SPOPL: variants seen among roughly 807,000 people sequenced by gnomAD.
The protein encoded by SPOPL is speckle type BTB/POZ protein like.
In SPOPL, 23 loss-of-function variants were observed where a neutral mutation model predicts 53.8. The ratio of observed to expected loss-of-function variants is 0.43; its 90% CI spans 0.31 to 0.61. SPOPL has a LOEUF of 0.61. SPOPL is among the 20% of genes least tolerant of loss of function. The pLI is 0.12. For synonymous variants in SPOPL, 164 were observed against 149.7 expected, an observed-to-expected ratio of 1.10 and a Z score of -0.70; for missense variants, 442 against 466.9, an observed-to-expected ratio of 0.95 and a Z score of 0.49.
chr2:138,521,460 C>A (rs1684555886), intron 1 of SPOPL, among the ~76,000 whole-genome samples: 1 of 143,136 alleles, frequency 7.0e-6, no homozygotes, highest in Non-Finnish European at 1.5e-5. Context: ...TGCTTTTAAT[C>A]TTTTCTTTGA....
At chr2:138,520,657 A>G (rs968885538) in intron 1 of SPOPL, among the ~76,000 whole-genome samples, 2 of 152,134 alleles carry the variant, frequency 1.3e-5, no homozygotes, top group Non-Finnish European at 2.9e-5. Context: ...GGTTCCCCCA[A>G]AATACTCAAA....
At chr2:138,525,230 A>G (rs1684644381) in intron 1 of SPOPL, among the ~76,000 whole-genome samples, 1 of 152,176 alleles carries the variant, frequency 6.6e-6, no homozygotes, top group Non-Finnish European at 1.5e-5. Flanking sequence ...GTGCAGGGAA[A>G]GTCCCGTTTT....
At chr2:138,542,541 GA>G (rs533061455) in intron 1 of SPOPL, among the ~76,000 whole-genome samples, 7 of 152,084 alleles carry the variant, frequency 4.6e-5, no homozygotes, top group Non-Finnish European at 8.8e-5. Flanking sequence ...TGTTTTATCA[GA>G]GACTAGGATT....
intron 1 of SPOPL, among the ~76,000 whole-genome samples, chr2:138,519,115 T>C (rs1413786295): frequency 6.6e-6 from 1 of 152,248 alleles, no homozygotes; most frequent in Non-Finnish European, 1.5e-5. Context: ...AAGTCTGATA[T>C]CAGAAACTAA....
chr2:138,561,132 G>A (rs1685538487), intron 8 of SPOPL, among the ~76,000 whole-genome samples: 1 of 152,052 alleles, frequency 6.6e-6, no homozygotes, highest in Admixed American at 6.6e-5. Context: ...AGAAGGAAGT[G>A]GCTTTTTTCT....
chr2:138,561,047 T>G, intron 8 of SPOPL, 120 bp downstream of exon 8: 1 of 1,216,992 alleles, frequency 8.2e-7, no homozygotes. Context: ...GAGAGCTTTA[T>G]GAAATAGCAT....
chr2:138,511,855 G>A (rs1684331450), intron 1 of SPOPL, among the ~76,000 whole-genome samples: 1 of 152,144 alleles, frequency 6.6e-6, no homozygotes, highest in Non-Finnish European at 1.5e-5. Flanking sequence ...TAGAGACTAG[G>A]AGCATACAGC....
intron 1 of SPOPL, among the ~76,000 whole-genome samples, chr2:138,524,300 A>G (rs1684622613): frequency 6.6e-6 from 1 of 152,198 alleles, no homozygotes. Flanking sequence ...TGCATAGGGC[A>G]GAGGGACCCT....
intron 1 of SPOPL, among the ~76,000 whole-genome samples, chr2:138,541,223 G>C (rs1558872343): frequency 6.6e-6 from 1 of 152,076 alleles, no homozygotes; most frequent in African/African-American, 2.4e-5. Flanking sequence ...TTGTGTCTCT[G>C]CCAGGCTTTG....
intron 10 of SPOPL, among the ~76,000 whole-genome samples, chr2:138,567,340 C>G (rs547725905): frequency 6.7e-6 from 1 of 148,314 alleles, no homozygotes; most frequent in Non-Finnish European, 1.5e-5. Context: ...AAATGAGATG[C>G]GCAAAGTTTT....
intron 1 of SPOPL, among the ~76,000 whole-genome samples, chr2:138,502,528 C>T (rs1684127389): frequency 1.3e-5 from 2 of 152,208 alleles, no homozygotes; most frequent in East Asian, 1.9e-4. Context: ...TCTGCCACCG[C>T]GCAGCGTCCA....
intron 8 of SPOPL, among the ~76,000 whole-genome samples, chr2:138,561,820 G>A (rs1685555604): frequency 6.6e-6 from 1 of 152,044 alleles, no homozygotes; most frequent in Non-Finnish European, 1.5e-5. Context: ...CATCACCCAG[G>A]TAATGATGAT....
intron 1 of SPOPL, among the ~76,000 whole-genome samples, chr2:138,542,253 G>T (rs1685088206): frequency 1.3e-5 from 2 of 152,178 alleles, no homozygotes; most frequent in African/African-American, 4.8e-5. Flanking sequence ...TATTAGGTCT[G>T]CTTGGTGCAG....
chr2:138,559,200 G>C lies in SPOPL; in HGVS notation c.658+1G>C. The C allele has an allele frequency of 6.2e-7, 1 of 1,612,828 alleles. No individual in the cohort carries two copies. The highest frequency in any genetic ancestry group is 8.5e-7 in the Non-Finnish European group (1 of 1,179,490). ...AAAGCTCATAAATCTGTGCTTGCAGGTACTTTCTAGTTATGGGGTAATATA... is the reference window on the plus strand; with the variant it reads ...AAAGCTCATAAATCTGTGCTTGCAGCTACTTTCTAGTTATGGGGTAATATA... On this transcript the variant is annotated splice_donor_variant, in intron 6 of 10. Coordinates refer to ENST00000280098, the MANE Select transcript of SPOPL (RefSeq NM_001001664.3). LOFTEE classifies it high-confidence loss of function.
chr2:138,514,733 A>G (rs72860803), intron 1 of SPOPL, among the ~76,000 whole-genome samples: 3,198 of 152,198 alleles, frequency 0.021, 35 homozygotes, highest in Non-Finnish European at 0.029. Flanking sequence ...CTTGTAATAT[A>G]ATCACTGGGT....
At chr2:138,538,394 A>G (rs1050536343) in intron 1 of SPOPL, among the ~76,000 whole-genome samples, 1 of 152,044 alleles carries the variant, frequency 6.6e-6, no homozygotes. Context: ...TATTTGGTGT[A>G]TATATGTTTG....
At chr2:138,555,212 A>G (rs1298098880) in intron 5 of SPOPL, among the ~76,000 whole-genome samples, 1 of 151,686 alleles carries the variant, frequency 6.6e-6, no homozygotes, top group Non-Finnish European at 1.5e-5. Context: ...CTCAGTAAAC[A>G]CATTAATCCA....
At chr2:138,532,287 A>G (rs191453155) in intron 1 of SPOPL, among the ~76,000 whole-genome samples, 21 of 152,122 alleles carry the variant, frequency 1.4e-4, no homozygotes, top group African/African-American at 5.1e-4. Context: ...TGATAGTTTC[A>G]CCCCATGGCA....
chr2:138,536,246 G>A (rs947262117), intron 1 of SPOPL, among the ~76,000 whole-genome samples: 9 of 152,070 alleles, frequency 5.9e-5, no homozygotes, highest in Non-Finnish European at 1.0e-4. Context: ...AGTAAATTGA[G>A]AAATTCTTGG....
Sources: gnomAD v4.1 joint callset for allele counts (sites outside exome capture counted in the v4.1 genomes callset) on GRCh38, gnomAD v4.1.1 for gene constraint, MANE v1.5 for transcripts, NCBI Gene and HGNC (gene_info 2026-07-23, HGNC 2026-07-21) for gene names.